Variants in CD6 observed in about 807,000 individuals in gnomAD.
CD6 encodes T-cell differentiation antigen CD6.
Under a neutral mutation model 75.3 loss-of-function variants are expected in CD6, and 53 were observed. The observed-to-expected ratio is 0.70, with a 90% CI of 0.56 to 0.88. CD6 has a LOEUF of 0.88. CD6 is among the 40% of genes least tolerant of loss of function. The probability of loss-of-function intolerance (pLI) is 0.00; values close to 1 mark genes in which losing one functional copy is unlikely to be tolerated. For synonymous variants in CD6, 359 were observed against 381.5 expected (o/e 0.94, Z 0.69); for missense variants, 770 against 897.1 (o/e 0.86, Z 1.81).
intron 1 of CD6, among the ~76,000 whole-genome samples, chr11:60,983,394 T>C (rs7939636): frequency 0.025 from 3,871 of 152,120 alleles, 151 homozygotes; most frequent in African/African-American, 0.087. Flanking sequence ...ACCTGGCCTG[T>C]TTTTTCACTT....
chr11:60,998,734 G>C (rs1464877921), intron 1 of CD6, among the ~76,000 whole-genome samples: 2 of 151,236 alleles, frequency 1.3e-5, no homozygotes. Flanking sequence ...CACTGTATTA[G>C]TACTTCAAGC....
chr11:61,007,824 T>G lies in CD6; in HGVS notation c.383T>G (p.Leu128Arg). The G allele has an allele frequency of 6.9e-7, 1 of 1,455,256 alleles. No individual in the cohort carries two copies. The highest frequency in any genetic ancestry group is 9.0e-7 in the Non-Finnish European group (1 of 1,109,522). The allele number at this position is 1,455,256 out of a possible 1,614,324, so 90.1% of individuals were successfully genotyped here. A position where few individuals can be genotyped will look rare whatever the true frequency, so the allele number is the denominator to read the frequency against. ...NATLAGAPAL[L>R]CSGAEWRLCE... Reference sequence around the variant, plus strand: ...ACTCTGGCCGGGGCGCCCGCCCTCCTGTGCAGCGGCGCCGAGTGGCGGCTC... The same window carrying G: ...ACTCTGGCCGGGGCGCCCGCCCTCCGGTGCAGCGGCGCCGAGTGGCGGCTC... Residue 128 changes from leucine to arginine, a missense_variant, in exon 3 of 13, where the codon CTG (leucine) becomes CGG (arginine). Coordinates refer to ENST00000313421, the MANE Select transcript of CD6 (RefSeq NM_006725.5). This position sits in a 1 kb window ranked among gnomAD's most constrained non-coding sequence, Gnocchi z 4.2.
intron 1 of CD6, among the ~76,000 whole-genome samples, chr11:61,005,239 T>C (rs933052075): frequency 2.0e-5 from 3 of 152,242 alleles, no homozygotes; most frequent in African/African-American, 7.2e-5. Context: ...GAGCAACTTC[T>C]GGCCAAAGGA....
chr11:60,999,319 C>T (rs1262431584), intron 1 of CD6, among the ~76,000 whole-genome samples: 1 of 150,588 alleles, frequency 6.6e-6, no homozygotes, highest in East Asian at 1.9e-4. Context: ...GGGGGTGATG[C>T]TTAGAATCTA....
chr11:60,995,630 A>G (rs1410110441), intron 1 of CD6, among the ~76,000 whole-genome samples: 1 of 152,130 alleles, frequency 6.6e-6, no homozygotes. Flanking sequence ...TGGCCGATGC[A>G]TCCTCAGGCC....
intron 1 of CD6, among the ~76,000 whole-genome samples, chr11:60,973,939 G>A (rs1479092864): frequency 6.6e-6 from 1 of 152,126 alleles, no homozygotes; most frequent in East Asian, 1.9e-4. Context: ...ACACTGAGCT[G>A]CTACACTCCA....
At position 60,979,592 on chromosome 11, in the gene CD6, G is replaced by A. The variant is rs180831148; in HGVS notation, c.49+7678G>A. ...AGCAATTCTCCTGCCTCAGCCTCCC[G>A]AGTAAGGGGACCATAGGCACCCACC... On this transcript the variant is annotated intron_variant, in intron 1 of 12. Transcript: ENST00000313421. 9.6e-4 allele frequency among the ~76,000 whole-genome samples: 146 copies of A among 151,584 alleles called. 2 individuals carry two copies. In the South Asian group the frequency reaches 1.0e-2, roughly 10 times the overall value.
At chr11:60,992,109 C>T (rs575708850) in intron 1 of CD6, among the ~76,000 whole-genome samples, 33 of 152,140 alleles carry the variant, frequency 2.2e-4, no homozygotes, top group Admixed American at 1.5e-3. Context: ...CAAATTCCTG[C>T]GCTCAAGCAA....
In CD6 at chr11:61,017,732, G is replaced by A. The variant is rs755574466; in HGVS notation, c.1583-27G>A. On this transcript the variant is annotated intron_variant, in intron 10 of 12. Transcript: ENST00000313421. ...GCCCTCTTGCTGCACTGCTTCTTTC[G>A]TCACCATTCTCCCTTTCCTGCCTTA... is the stretch of plus-strand genomic sequence containing the variant. The A allele has an allele frequency of 1.3e-5, 21 of 1,613,052 alleles. No homozygotes were observed. In the East Asian group the frequency reaches 1.3e-4, roughly 10 times the overall value.
At chr11:60,989,713 G>A (rs1857983994) in intron 1 of CD6, among the ~76,000 whole-genome samples, 1 of 152,186 alleles carries the variant, frequency 6.6e-6, no homozygotes, top group Non-Finnish European at 1.5e-5. Context: ...ACCCTGAGGT[G>A]TTTATCAGAG....
In CD6 at chr11:61,013,440, A is replaced by C; in HGVS notation, c.1168A>C (p.Lys390Gln). ...TVTIESSVTVKIENKESRELM... is the reference protein window; with the variant it reads ...TVTIESSVTVQIENKESRELM... ...GTTTCCAGAATCTTCTGTGACAGTG[A>C]AAATAGAGAACAAGGAATCTCGGGA... The change falls in exon 7 of 13, where the codon AAA (lysine) becomes CAA (glutamine). Residue 390 changes from lysine to glutamine, a missense_variant. By Grantham distance (53) the Lys-to-Gln change is moderately conservative (BLOSUM62 1). Coordinates refer to ENST00000313421, the MANE Select transcript of CD6 (RefSeq NM_006725.5). 6.2e-7 allele frequency: 1 copy of C among 1,614,152 alleles called. No homozygotes were observed. The highest frequency in any genetic ancestry group is 8.5e-7 in the Non-Finnish European group (1 of 1,180,004).
Position 61,018,472 on chromosome 11 carries a change from C to T in CD6, c.1942+79C>T, listed in dbSNP as rs1859530455. The T allele has an allele frequency of 4.7e-6, 4 of 856,518 alleles. No homozygotes were observed. The South Asian group carries it at 6.9e-5, about 15-fold the overall frequency. 53.1% of individuals were successfully genotyped at this position (856,518 alleles called of 1,614,324 possible). A position where few individuals can be genotyped will look rare whatever the true frequency, so the allele number is the denominator to read the frequency against. On this transcript the variant is annotated intron_variant, in intron 12 of 12. Coordinates refer to ENST00000313421, the MANE Select transcript of CD6 (RefSeq NM_006725.5). Reference sequence around the variant, plus strand: ...TAAATGAGTGGGGAACTATTGGATGCATTCGCTCAAGGGGAAAAGGAGAAA... The same window carrying T: ...TAAATGAGTGGGGAACTATTGGATGTATTCGCTCAAGGGGAAAAGGAGAAA...
intron 2 of CD6, 129 bp downstream of exon 2, chr11:61,006,771 G>T: frequency 1.4e-6 from 1 of 726,274 alleles, no homozygotes; most frequent in Non-Finnish European, 2.4e-6. Context: ...ACTTCTTCCT[G>T]ACCCATCACC....
Position 61,015,952 on chromosome 11 carries a change from C to T in CD6, c.1510+117C>T. On this transcript the variant is annotated intron_variant, in intron 9 of 12. Transcript: ENST00000313421. ...ACCCCTGCATGATGCAGACAGAATC[C>T]CCCTGGTTACCCACTGGATTGACTG... is the stretch of plus-strand genomic sequence containing the variant. The T allele has an allele frequency of 3.2e-6, 4 of 1,259,982 alleles. No homozygotes were observed. The Admixed American group carries it at 9.1e-5, about 29-fold the overall frequency. 78.1% of individuals were successfully genotyped at this position (1,259,982 alleles called of 1,614,324 possible).
chr11:60,995,184 A>C, intron 1 of CD6, among the ~76,000 whole-genome samples: 1 of 146,768 alleles, frequency 6.8e-6, no homozygotes. Flanking sequence ...TTGCTCTGTC[A>C]CCCAGCCTAG....
At chr11:60,986,055 G>T (rs1857802247) in intron 1 of CD6, among the ~76,000 whole-genome samples, 1 of 152,170 alleles carries the variant, frequency 6.6e-6, no homozygotes, top group African/African-American at 2.4e-5. Context: ...TTGGAACGGG[G>T]CAAGGACTTA....
rs558806319 is a variant in CD6, at chr11:61,019,520, G to A, written c.*202G>A. The A allele has an allele frequency of 1.3e-4, 58 of 445,668 alleles. No homozygotes were observed. Among genetic ancestry groups the A allele is most frequent in the Non-Finnish European group, 2.0e-4 (50 of 251,588 alleles). 27.6% of individuals were successfully genotyped at this position (445,668 alleles called of 1,614,324 possible). ...AAACCTGCTGCCACAGCCCTCCCCC[G>A]GCCCCAGATAGCAGCCCCAGGGAGG... On this transcript the variant is annotated 3_prime_UTR_variant, in exon 13 of 13. Coordinates refer to ENST00000313421, the MANE Select transcript of CD6 (RefSeq NM_006725.5).
intron 6 of CD6, 70 bp downstream of exon 6, chr11:61,011,205 T>TGTGTGTGTGTGTG: frequency 3.4e-6 from 1 of 293,500 alleles, no homozygotes; most frequent in Non-Finnish European, 4.8e-6. Context: ...GTGTGTGTGT[T>TGTGTGTGTGTGTG]CCTGTGCACA....
Position 61,019,360 on chromosome 11 carries a change from G to A in CD6, c.*42G>A, listed in dbSNP as rs1339563909. 1 of 1,514,950 alleles carries A rather than the reference G, an allele frequency of 6.6e-7. No individual in the cohort carries two copies. Among genetic ancestry groups the A allele is most frequent in the Non-Finnish European group, 9.1e-7 (1 of 1,103,852 alleles). 93.8% of individuals were successfully genotyped at this position (1,514,950 alleles called of 1,614,324 possible). Reference sequence around the variant, plus strand: ...GCTCCTGGGGTGGCTCTGACCCTCTGGCCTCCTGCTCTACCTACTCCCTTT... The same window carrying A: ...GCTCCTGGGGTGGCTCTGACCCTCTAGCCTCCTGCTCTACCTACTCCCTTT... On this transcript the variant is annotated 3_prime_UTR_variant, in exon 13 of 13. Transcript: ENST00000313421.
Sources: gnomAD v4.1 joint callset for allele counts (sites outside exome capture counted in the v4.1 genomes callset) on GRCh38, gnomAD v4.1.1 for gene constraint, Gnocchi (gnomAD v3.1) non-coding constraint, MANE v1.5 for transcripts, NCBI Gene and HGNC (gene_info 2026-07-23, HGNC 2026-07-21) for gene names.